USP12: variants seen among roughly 807,000 people sequenced by gnomAD.
The protein encoded by USP12 is ubiquitin carboxyl-terminal hydrolase 12.
In USP12, 19 loss-of-function variants were observed where a neutral mutation model predicts 45.5. The ratio of observed to expected loss-of-function variants is 0.42; its 90% CI spans 0.29 to 0.61. USP12 has a LOEUF of 0.61. Among genes scored for constraint, USP12 ranks in the 20% least tolerant of loss-of-function variants. USP12 has a pLI of 0.22. For synonymous variants in USP12, 149 were observed against 148.8 expected (o/e 1.00, Z -0.01); for missense variants, 242 against 447.7 (o/e 0.54, Z 4.15).
At chr13:27,148,610 G>A (rs1877416076) in intron 1 of USP12, among the ~76,000 whole-genome samples, 2 of 148,696 alleles carry the variant, frequency 1.3e-5, no homozygotes, top group East Asian at 4.0e-4. Context: ...GGAGGCGGAG[G>A]TTGCAGTGAG....
At chr13:27,070,671 A>G (rs1191835601) in intron 8 of USP12, among the ~76,000 whole-genome samples, 2 of 151,508 alleles carry the variant, frequency 1.3e-5, no homozygotes. Context: ...CTCCTGCCTC[A>G]GCCTCCCGAG....
chr13:27,100,943 CTG>C (rs1477019098), intron 3 of USP12, among the ~76,000 whole-genome samples: 2 of 152,226 alleles, frequency 1.3e-5, no homozygotes, highest in African/African-American at 4.8e-5. Context: ...TAATTTCTCC[CTG>C]TTGAAAAGAA....
chr13:27,139,115 T>C (rs1430091314), intron 1 of USP12, among the ~76,000 whole-genome samples: 1 of 152,272 alleles, frequency 6.6e-6, no homozygotes, highest in Non-Finnish European at 1.5e-5. Flanking sequence ...CCCAGATTTA[T>C]GATTTCTTTG....
intron 1 of USP12, among the ~76,000 whole-genome samples, chr13:27,133,340 T>C (rs1565999158): frequency 6.6e-6 from 1 of 152,238 alleles, no homozygotes; most frequent in Non-Finnish European, 1.5e-5. Context: ...TTAACAAGAA[T>C]AGTATTACTT....
At chr13:27,148,993 G>A (rs754795694) in intron 1 of USP12, among the ~76,000 whole-genome samples, 16 of 152,044 alleles carry the variant, frequency 1.1e-4, no homozygotes, top group African/African-American at 2.9e-4. Context: ...GACCAGCCTG[G>A]GCAACATGGT....
At chr13:27,160,427 A>T (rs1566008036) in intron 1 of USP12, among the ~76,000 whole-genome samples, 1 of 151,594 alleles carries the variant, frequency 6.6e-6, no homozygotes. Context: ...GCCTCCTCAA[A>T]TTGAAAAAAA....
chr13:27,070,557 CTTT>C (rs370430441), intron 8 of USP12, among the ~76,000 whole-genome samples: 4 of 137,162 alleles, frequency 2.9e-5, no homozygotes, highest in Non-Finnish European at 4.8e-5. Context: ...TTGTTTTATT[CTTT>C]TTTTTTTTTT....
intron 1 of USP12, among the ~76,000 whole-genome samples, chr13:27,141,043 G>A (rs1877029937): frequency 7.2e-6 from 1 of 139,476 alleles, no homozygotes; most frequent in Non-Finnish European, 1.5e-5. Flanking sequence ...TTGAGATGGA[G>A]TCTTGCTCTG....
intron 2 of USP12, among the ~76,000 whole-genome samples, chr13:27,112,493 C>T (rs1032432612): frequency 6.6e-6 from 1 of 151,854 alleles, no homozygotes; most frequent in Non-Finnish European, 1.5e-5. Context: ...CACTCTGTTG[C>T]CCAGGCTGGT....
chr13:27,083,867 T>C (rs1165903254), intron 6 of USP12, among the ~76,000 whole-genome samples: 1 of 150,240 alleles, frequency 6.7e-6, no homozygotes, highest in African/African-American at 2.5e-5. Context: ...AATATATATA[T>C]ATATATATTT....
At chr13:27,111,484 G>A (rs145157323) in intron 2 of USP12, among the ~76,000 whole-genome samples, 1 of 152,254 alleles carries the variant, frequency 6.6e-6, no homozygotes, top group East Asian at 1.9e-4. Context: ...TTAGGGAGAA[G>A]AAATTTTAAA....
chr13:27,170,997 C>T (rs1878569173), intron 1 of USP12, among the ~76,000 whole-genome samples: 2 of 152,196 alleles, frequency 1.3e-5, no homozygotes, highest in South Asian at 4.1e-4. Flanking sequence ...CAGCCAGCGG[C>T]GCGAGGAAAT....
At chr13:27,122,335 C>T (rs1022536830) in intron 1 of USP12, among the ~76,000 whole-genome samples, 11 of 152,186 alleles carry the variant, frequency 7.2e-5, no homozygotes, top group African/African-American at 2.6e-4. Flanking sequence ...CTCTTGCCAC[C>T]GCCCTGTAAG....
chr13:27,101,852 A>C (rs1874875081), intron 3 of USP12, among the ~76,000 whole-genome samples: 1 of 152,202 alleles, frequency 6.6e-6, no homozygotes, highest in Non-Finnish European at 1.5e-5. Flanking sequence ...TCCTCACTTG[A>C]GGGAGACCAA....
At position 27,132,941 on chromosome 13, in the gene USP12, C is replaced by G. The variant is rs190587320; in HGVS notation, c.49-16345G>C. On this transcript the variant is annotated intron_variant, in intron 1 of 8. Transcript: ENST00000282344. Reference sequence around the variant, plus strand: ...CATTGAGCCAGCTATTCTGAATGAACTTCTTTAATTACCATGGTGATGGCA... The same window carrying G: ...CATTGAGCCAGCTATTCTGAATGAAGTTCTTTAATTACCATGGTGATGGCA... 1.7e-4 allele frequency among the ~76,000 whole-genome samples: 26 copies of G among 152,328 alleles called. No homozygotes were observed. The East Asian group carries it at 4.8e-3, about 28-fold the overall frequency.
intron 3 of USP12, among the ~76,000 whole-genome samples, chr13:27,103,761 AAGAG>A (rs1218273132): frequency 5.5e-4 from 81 of 147,596 alleles, no homozygotes; most frequent in African/African-American, 1.7e-3. Context: ...AAAAAAAAAA[AAGAG>A]AGAGAGACAG....
At chr13:27,148,945 G>T (rs1357576136) in intron 1 of USP12, among the ~76,000 whole-genome samples, 1 of 152,024 alleles carries the variant, frequency 6.6e-6, no homozygotes, top group Non-Finnish European at 1.5e-5. Context: ...AATGCTTTGG[G>T]ACACTGAGGG....
intron 7 of USP12, among the ~76,000 whole-genome samples, chr13:27,071,992 T>C (rs1184483088): frequency 1.3e-5 from 2 of 152,176 alleles, no homozygotes; most frequent in East Asian, 3.8e-4. Context: ...ATTTTAAAAG[T>C]AGTGACCAGA....
intron 6 of USP12, among the ~76,000 whole-genome samples, chr13:27,089,179 C>T (rs942720900): frequency 6.6e-6 from 1 of 152,152 alleles, no homozygotes; most frequent in Non-Finnish European, 1.5e-5. Context: ...CTATAAAGGA[C>T]ATTACCGGTA....
Sources: gnomAD v4.1 joint callset for allele counts (sites outside exome capture counted in the v4.1 genomes callset) on GRCh38, gnomAD v4.1.1 for gene constraint, MANE v1.5 for transcripts, NCBI Gene and HGNC (gene_info 2026-07-23, HGNC 2026-07-21) for gene names.